INPP4A: variants seen among roughly 807,000 people sequenced by gnomAD.
INPP4A encodes inositol polyphosphate-4-phosphatase type I A.
In INPP4A, 33 loss-of-function variants were observed where a neutral mutation model predicts 119.8. The observed-to-expected ratio is 0.28, with a 90% CI of 0.21 to 0.37. The LOEUF (loss-of-function observed/expected upper bound fraction) is 0.37. INPP4A is among the 10% of genes least tolerant of loss of function. The probability of loss-of-function intolerance (pLI) is 1.00; values close to 1 mark genes in which losing one functional copy is unlikely to be tolerated. For missense variants in INPP4A, 956 were observed against 1,289.9 expected (o/e 0.74, Z 3.97); for synonymous variants, 496 against 500.7 (o/e 0.99, Z 0.12).
intron 4 of INPP4A, among the ~76,000 whole-genome samples, chr2:98,531,314 A>G (rs973811925): frequency 2.6e-5 from 4 of 152,248 alleles, no homozygotes; most frequent in African/African-American, 9.6e-5. Flanking sequence ...TAGATATTCT[A>G]GAATTAAAAG....
In INPP4A at chr2:98,539,682, C is replaced by T; in HGVS notation, c.818+7C>T. The T allele has an allele frequency of 6.2e-7, 1 of 1,603,872 alleles. No homozygotes were observed. Among genetic ancestry groups the T allele is most frequent in the Non-Finnish European group, 8.5e-7 (1 of 1,175,784 alleles). ...TAGAGGAAGATGCAGCCAGGTGAGG[C>T]CACATGGAAGGACTGACTGTCCATC... On this transcript the variant is annotated splice_region_variant and intron_variant, in intron 10 of 24. Coordinates refer to ENST00000409851, the MANE Select transcript of INPP4A (RefSeq NM_001134225.2).
intron 1 of INPP4A, among the ~76,000 whole-genome samples, chr2:98,505,530 A>G (rs1257716911): frequency 6.6e-6 from 1 of 152,264 alleles, no homozygotes; most frequent in Admixed American, 6.5e-5. Context: ...GTATGTCACC[A>G]GAGAGAATTG....
chr2:98,537,202 T>C (rs975568752), intron 7 of INPP4A, among the ~76,000 whole-genome samples: 4 of 152,110 alleles, frequency 2.6e-5, no homozygotes, highest in African/African-American at 9.7e-5. Context: ...AGACAAAAAT[T>C]TAGAACCTGA....
chr2:98,527,685 T>C (rs1055950123), intron 4 of INPP4A, among the ~76,000 whole-genome samples: 1 of 152,200 alleles, frequency 6.6e-6, no homozygotes, highest in African/African-American at 2.4e-5. Flanking sequence ...TTCCTGAACA[T>C]TGAAAATGCA....
intron 1 of INPP4A, among the ~76,000 whole-genome samples, chr2:98,502,401 A>G (rs975514308): frequency 2.0e-5 from 3 of 152,072 alleles, no homozygotes; most frequent in Admixed American, 6.6e-5. Context: ...CCAAAGTCAC[A>G]TTTTCCCTGA....
chr2:98,567,802 G>A (rs751183975), intron 21 of INPP4A, among the ~76,000 whole-genome samples: 13 of 152,294 alleles, frequency 8.5e-5, no homozygotes, highest in Non-Finnish European at 1.0e-4. Context: ...GGGAGCAGGC[G>A]TCTAGAGAAA....
chr2:98,553,593 C>G (rs1407917274), intron 14 of INPP4A, among the ~76,000 whole-genome samples: 1 of 152,038 alleles, frequency 6.6e-6, no homozygotes, highest in Non-Finnish European at 1.5e-5. Flanking sequence ...ACACACACCC[C>G]AGATTCTGAC....
chr2:98,505,279 C>T (rs780057578), intron 1 of INPP4A, among the ~76,000 whole-genome samples: 5 of 152,214 alleles, frequency 3.3e-5, no homozygotes, highest in African/African-American at 1.2e-4. Flanking sequence ...CAAGGGTGCA[C>T]TTTGCCTTTA....
chr2:98,567,869 C>T (rs1696757647), intron 21 of INPP4A, among the ~76,000 whole-genome samples: 1 of 152,106 alleles, frequency 6.6e-6, no homozygotes, highest in Non-Finnish European at 1.5e-5. Flanking sequence ...GGAATCCTGC[C>T]CTCTGAGGGA....
intron 9 of INPP4A, among the ~76,000 whole-genome samples, 162 bp downstream of exon 9, chr2:98,539,143 T>G (rs1183438013): frequency 6.6e-6 from 1 of 151,994 alleles, no homozygotes; most frequent in African/African-American, 2.4e-5. Context: ...ATATAAAGAG[T>G]TATCACAAAA....
rs1165486805 is a variant in INPP4A, at chr2:98,591,193, T to C, written c.*3585T>C. 2 of 178,180 alleles carry C rather than the reference T, an allele frequency of 1.1e-5. No individual in the cohort carries two copies. The highest frequency in any genetic ancestry group is 4.7e-5 in the African/African-American group (2 of 42,374). 11.0% of individuals were successfully genotyped at this position (178,180 alleles called of 1,614,324 possible). On this transcript the variant is annotated 3_prime_UTR_variant, in exon 25 of 25. Transcript: ENST00000409851. ...GCTTCACCATGGAAGGTGGGACATA[T>C]GGGACAGCCATGTCCTTGTGGGCAT...
intron 1 of INPP4A, among the ~76,000 whole-genome samples, chr2:98,511,317 C>G (rs1368861461): frequency 2.0e-5 from 3 of 152,210 alleles, no homozygotes; most frequent in African/African-American, 7.2e-5. Context: ...CTTGGCCTCC[C>G]AAAGTGCTGG....
At chr2:98,475,853 A>G (rs1405621584) in intron 1 of INPP4A, among the ~76,000 whole-genome samples, 2 of 152,204 alleles carry the variant, frequency 1.3e-5, no homozygotes, top group African/African-American at 4.8e-5. Flanking sequence ...GCCTGCCACT[A>G]ATTTTAAATA....
At position 98,587,761 on chromosome 2, in the gene INPP4A, T is replaced by A. The variant is rs953160262; in HGVS notation, c.*153T>A. ...TCACTAAAGAGTCTCTGGAGCATGT[T>A]TTTTGTTTTTTGGGTTTTTTTCCCC... is the stretch of plus-strand genomic sequence containing the variant. On this transcript the variant is annotated 3_prime_UTR_variant, in exon 25 of 25. Transcript: ENST00000409851. 37 of 637,170 alleles carry A rather than the reference T, an allele frequency of 5.8e-5. No individual in the cohort carries two copies. Among genetic ancestry groups the A allele is most frequent in the Admixed American group, 7.6e-5 (2 of 26,256 alleles). 39.5% of individuals were successfully genotyped at this position (637,170 alleles called of 1,614,324 possible). A position where few individuals can be genotyped will look rare whatever the true frequency, so the allele number is the denominator to read the frequency against.
chr2:98,519,205 A>G (rs1372572190), intron 2 of INPP4A, 180 bp downstream of exon 2: 6 of 152,256 alleles, frequency 3.9e-5, no homozygotes, highest in Non-Finnish European at 1.5e-5. Flanking sequence ...GGTTCTTTCT[A>G]GAGACAGCAG....
At chr2:98,520,572 T>C in intron 3 of INPP4A, 115 bp from the exon 4 acceptor site, 1 of 704,456 alleles carries the variant, frequency 1.4e-6, no homozygotes, top group African/African-American at 1.8e-5. Context: ...GAAATTGTCT[T>C]GCATGGCAGT....
intron 1 of INPP4A, among the ~76,000 whole-genome samples, chr2:98,449,675 G>A (rs550349337): frequency 1.3e-5 from 2 of 152,298 alleles, no homozygotes; most frequent in East Asian, 3.9e-4. Context: ...TGCTACTGAG[G>A]TGTCACCCAT....
At chr2:98,560,670 C>T (rs755499018) in intron 17 of INPP4A, among the ~76,000 whole-genome samples, 2 of 152,240 alleles carry the variant, frequency 1.3e-5, no homozygotes, top group Admixed American at 6.5e-5. Flanking sequence ...GTTGCCTCCC[C>T]GGGCCCATGC....
chr2:98,552,303 A>G (rs1005303327), intron 13 of INPP4A, among the ~76,000 whole-genome samples: 1 of 152,162 alleles, frequency 6.6e-6, no homozygotes, highest in East Asian at 1.9e-4. Flanking sequence ...TGAATGCCTG[A>G]TTGGCCAAAA....
Sources: gnomAD v4.1 joint callset for allele counts (sites outside exome capture counted in the v4.1 genomes callset) on GRCh38, gnomAD v4.1.1 for gene constraint, MANE v1.5 for transcripts, NCBI Gene and HGNC (gene_info 2026-07-23, HGNC 2026-07-21) for gene names.